Variants in TSPAN14 observed in about 807,000 individuals in gnomAD.
The protein encoded by TSPAN14 is tetraspanin 14.
In TSPAN14, 16 loss-of-function variants were observed where a neutral mutation model predicts 36.6. The ratio of observed to expected loss-of-function variants is 0.44; its 90% CI spans 0.30 to 0.66. The LOEUF (loss-of-function observed/expected upper bound fraction) is 0.66. TSPAN14 is among the 30% of genes least tolerant of loss of function. TSPAN14 has a pLI of 0.12. For synonymous variants in TSPAN14, 139 were observed against 143.8 expected, an observed-to-expected ratio of 0.97 and a Z score of 0.24; for missense variants, 231 against 355.1, an observed-to-expected ratio of 0.65 and a Z score of 2.81.
At chr10:80,455,091 G>A (rs1589224985) in intron 1 of TSPAN14, among the ~76,000 whole-genome samples, 1 of 152,074 alleles carries the variant, frequency 6.6e-6, no homozygotes, top group East Asian at 1.9e-4. Context: ...GACTGTGCTT[G>A]TCCCGGGCCG....
At chr10:80,476,743 T>G (rs12769369) in intron 1 of TSPAN14, among the ~76,000 whole-genome samples, 28,012 of 152,120 alleles carry the variant, frequency 0.18, 2,837 homozygotes, top group South Asian at 0.3. Context: ...GTTTTGTTTT[T>G]TTTTATATTT....
rs190967022 is a variant in TSPAN14 at position 80,458,853 on chromosome 10, T to G, written c.-18+4482T>G. On this transcript the variant is annotated intron_variant, in intron 1 of 8. Coordinates refer to ENST00000429989, the Ensembl canonical transcript of TSPAN14. ...GGCAGTGTCCAGTGCCGCTCTCAAT[T>G]AAACGTGAAGATGTGAAGATGAATA... 7.9e-5 allele frequency among the ~76,000 whole-genome samples: 12 copies of G among 152,186 alleles called. 1 individual carries two copies. Among genetic ancestry groups the G allele is most frequent in the African/African-American group, 2.9e-4 (12 of 41,514 alleles).
intron 1 of TSPAN14, among the ~76,000 whole-genome samples, chr10:80,455,835 T>G (rs1845711861): frequency 6.6e-6 from 1 of 151,958 alleles, no homozygotes; most frequent in Non-Finnish European, 1.5e-5. Flanking sequence ...CACCTCAGCC[T>G]CCCAAAGCAC....
intron 4 of TSPAN14, among the ~76,000 whole-genome samples, chr10:80,508,588 C>T (rs748972658): frequency 6.6e-6 from 1 of 152,110 alleles, no homozygotes; most frequent in African/African-American, 2.4e-5. Context: ...TTGCAGAATG[C>T]CACCACTGCT....
exon 4 of TSPAN14, chr10:80,507,229 G>A (rs1308155203): frequency 6.2e-7 from 1 of 1,614,210 alleles, no homozygotes; most frequent in Non-Finnish European, 8.5e-7. Context: ...CTCTTTCAGG[G>A]TGTGCTGTCC....
At chr10:80,472,435 T>C (rs1366829742) in intron 1 of TSPAN14, among the ~76,000 whole-genome samples, 1 of 152,196 alleles carries the variant, frequency 6.6e-6, no homozygotes, top group Non-Finnish European at 1.5e-5. Context: ...TTGCTTATGG[T>C]GATGTCTGCT....
chr10:80,513,310 G>C (rs1215589864), intron 6 of TSPAN14, among the ~76,000 whole-genome samples: 1 of 151,966 alleles, frequency 6.6e-6, no homozygotes, highest in Non-Finnish European at 1.5e-5. Flanking sequence ...CCTGAACTGA[G>C]CCTGAGTAGA....
chr10:80,454,635 G>T (rs929647533), intron 1 of TSPAN14, among the ~76,000 whole-genome samples: 1 of 151,982 alleles, frequency 6.6e-6, no homozygotes, highest in Non-Finnish European at 1.5e-5. Context: ...AGCCGCGGCG[G>T]GCCCGGGGCC....
chr10:80,489,385 T>C, intron 2 of TSPAN14, 71 bp downstream of exon 2: 1 of 1,107,898 alleles, frequency 9.0e-7, no homozygotes. Flanking sequence ...TTCCACACAC[T>C]CTTGATTTGC....
intron 1 of TSPAN14, among the ~76,000 whole-genome samples, chr10:80,475,257 G>T (rs1846792673): frequency 6.6e-6 from 1 of 152,200 alleles, no homozygotes; most frequent in African/African-American, 2.4e-5. Context: ...GACAGATAAT[G>T]AGCTTTTCTG....
chr10:80,493,742 C>G (rs574310339), intron 2 of TSPAN14, among the ~76,000 whole-genome samples: 1 of 152,104 alleles, frequency 6.6e-6, no homozygotes, highest in Non-Finnish European at 1.5e-5. Flanking sequence ...GCTAGGAGCC[C>G]GGGAAGGGAA....
chr10:80,474,808 T>C (rs1326733690), intron 1 of TSPAN14, among the ~76,000 whole-genome samples: 1 of 152,154 alleles, frequency 6.6e-6, no homozygotes, highest in East Asian at 1.9e-4. Flanking sequence ...CACTGTCATG[T>C]CATCCGGCTT....
intron 1 of TSPAN14, among the ~76,000 whole-genome samples, chr10:80,464,893 G>A (rs527585853): frequency 6.6e-6 from 1 of 152,322 alleles, no homozygotes; most frequent in East Asian, 1.9e-4. Flanking sequence ...AGAGAAGGAG[G>A]AGAGTGGGAG....
At chr10:80,469,116 A>G (rs1164959169) in intron 1 of TSPAN14, among the ~76,000 whole-genome samples, 3 of 149,486 alleles carry the variant, frequency 2.0e-5, no homozygotes, top group Non-Finnish European at 4.5e-5. Context: ...CCCTTAGCCC[A>G]GAGCCCTGCT....
chr10:80,512,244 T>G (rs752141874), exon 6 of TSPAN14: 1 of 1,613,952 alleles, frequency 6.2e-7, no homozygotes, highest in African/African-American at 1.3e-5. Flanking sequence ...GGGGTCCCCT[T>G]CTCCTGCTGC....
chr10:80,507,085 G>GC, intron 3 of TSPAN14, 143 bp from the exon 4 acceptor site: 2 of 1,110,186 alleles, frequency 1.8e-6, no homozygotes, highest in Non-Finnish European at 2.6e-6. Context: ...CATGGATGGG[G>GC]CCGGACTCTG....
chr10:80,516,379 G>A, intron 8 of TSPAN14, 56 bp downstream of exon 8: 1 of 1,611,828 alleles, frequency 6.2e-7, no homozygotes, highest in Non-Finnish European at 8.5e-7. Flanking sequence ...TTGAGATTGG[G>A]CCCTTAACAT....
chr10:80,454,415 C>A, intron 1 of TSPAN14, 44 bp downstream of exon 1: 1 of 152,396 alleles, frequency 6.6e-6, no homozygotes, highest in South Asian at 1.9e-4. Context: ...GGGCCCTGCC[C>A]CTTTCTTTGT....
intron 1 of TSPAN14, among the ~76,000 whole-genome samples, chr10:80,483,963 G>T (rs1269861977): frequency 7.3e-6 from 1 of 136,060 alleles, no homozygotes; most frequent in Non-Finnish European, 1.6e-5. Context: ...TGTAAAATAG[G>T]CCAGGCACGG....
Sources: allele counts gnomAD v4.1 joint callset (sites outside exome capture counted in the v4.1 genomes callset), GRCh38; gene constraint gnomAD v4.1.1; transcripts MANE v1.5; gene names NCBI Gene and HGNC (gene_info 2026-07-23, HGNC 2026-07-21).